XCR1: variants seen among roughly 807,000 people sequenced by gnomAD.
XCR1 encodes chemokine XC receptor 1.
For synonymous variants in XCR1, 187 were observed against 188.5 expected, an observed-to-expected ratio of 0.99 and a Z score of 0.06; for missense variants, 356 against 424.2, an observed-to-expected ratio of 0.84 and a Z score of 1.41.
chr3:46,065,189 A>C (rs1559492764), intron 4 of XCR1, among the ~76,000 whole-genome samples: 2 of 152,174 alleles, frequency 1.3e-5, no homozygotes, highest in African/African-American at 4.8e-5. Flanking sequence ...GATCTAATAA[A>C]ATGGTTCTTT....
At chr3:46,045,006 A>G (rs138679676) in intron 5 of XCR1, among the ~76,000 whole-genome samples, 69 of 152,336 alleles carry the variant, frequency 4.5e-4, no homozygotes, top group African/African-American at 1.6e-3. Context: ...TGAGGCCAGC[A>G]TTACCCTAAT....
Position 46,043,719 on chromosome 3 carries a change from C to CACACACACACAT in XCR1, c.-32+10200_-32+10201insATGTGTGTGTGT, listed in dbSNP as rs1295322739. Reference sequence around the variant, plus strand: ...GCAACATAGTGAGACCTCATCTCTACACACACACACACACACACACACACA... The same window carrying CACACACACACAT: ...GCAACATAGTGAGACCTCATCTCTACACACACACACATACACACACACACACACACACACACA... On this transcript the variant is annotated intron_variant, in intron 5 of 5. Coordinates refer to the XCR1 transcript ENST00000683768. Among the ~76,000 whole-genome samples the CACACACACACAT allele has an allele frequency of 1.8e-3, 84 of 46,796 alleles. 1 individual carries two copies. Among genetic ancestry groups the CACACACACACAT allele is most frequent in the African/African-American group, 0.014 (82 of 5,780 alleles). 30.7% of individuals were successfully genotyped at this position (46,796 alleles called of 152,430 possible). A position where few individuals can be genotyped will look rare whatever the true frequency, so the allele number is the denominator to read the frequency against.
In XCR1 at chr3:46,021,198, C is replaced by T; in HGVS notation, c.750G>A (p.Leu250=). Reference sequence around the variant, plus strand: ...AGCTCCGGATGATCTGGGTCCGAAACAGCGTCTGCAGAAACAGGGTGAAGT... The same window carrying T: ...AGCTCCGGATGATCTGGGTCCGAAATAGCGTCTGCAGAAACAGGGTGAAGT... ...PYNFTLFLQT[L]FRTQIIRSCE... The change falls in exon 2 of 2, where the codon CTG becomes CTA. Residue 250 remains leucine (L), a synonymous_variant. Transcript: ENST00000309285. This position sits in a 1 kb window ranked among gnomAD's most constrained non-coding sequence, Gnocchi z 4.7. The T allele has an allele frequency of 1.2e-6, 2 of 1,614,230 alleles. No individual in the cohort carries two copies. Among genetic ancestry groups the T allele is most frequent in the Non-Finnish European group, 1.7e-6 (2 of 1,180,038 alleles).
chr3:46,042,032 T>C (rs181022281), intron 5 of XCR1, among the ~76,000 whole-genome samples: 2 of 152,322 alleles, frequency 1.3e-5, no homozygotes, highest in Non-Finnish European at 2.9e-5. Context: ...AGGTAAGCAG[T>C]GGAACCCAGA....
chr3:46,052,389 G>A (rs1014868273), intron 5 of XCR1, among the ~76,000 whole-genome samples: 3 of 152,150 alleles, frequency 2.0e-5, no homozygotes. Flanking sequence ...ACAGGGGGGT[G>A]CCATTCTGAT....
In XCR1 at chr3:46,038,035, T is replaced by TG. The variant is rs201683301; in HGVS notation, c.-32+15884_-32+15885insC. Among the ~76,000 whole-genome samples, 26 of 125,040 alleles carry TG rather than the reference T, an allele frequency of 2.1e-4. No homozygotes were observed. In the East Asian group the frequency reaches 3.3e-3, roughly 16 times the overall value. The allele number at this position is 125,040 out of a possible 152,430, so 82.0% of individuals were successfully genotyped here. A position where few individuals can be genotyped will look rare whatever the true frequency, so the allele number is the denominator to read the frequency against. On this transcript the variant is annotated intron_variant, in intron 5 of 5. Transcript: ENST00000683768. ...TGTGCACGGGTTTGTTTTTTGTTTT[T>TG]TTTTTTTTTTGAGAGGGAGTCTTGC...
chr3:46,051,278 G>A (rs1697738546), intron 5 of XCR1, among the ~76,000 whole-genome samples: 2 of 152,132 alleles, frequency 1.3e-5, no homozygotes, highest in South Asian at 4.1e-4. Flanking sequence ...TTATTTGTAA[G>A]TCTCATATCC....
At chr3:46,057,406 A>T (rs951873459) in intron 4 of XCR1, among the ~76,000 whole-genome samples, 8 of 152,202 alleles carry the variant, frequency 5.3e-5, no homozygotes, top group Non-Finnish European at 1.2e-4. Flanking sequence ...ATGATGAAAA[A>T]ATTGGCGTCT....
chr3:46,060,299 G>C (rs1697935688), intron 4 of XCR1, among the ~76,000 whole-genome samples: 1 of 151,998 alleles, frequency 6.6e-6, no homozygotes, highest in Non-Finnish European at 1.5e-5. Context: ...CTGAAACCTG[G>C]GCCATTAGCA....
intron 5 of XCR1, among the ~76,000 whole-genome samples, chr3:46,039,962 C>T (rs117121830): frequency 0.023 from 3,463 of 152,202 alleles, 59 homozygotes; most frequent in Middle Eastern, 0.082. Flanking sequence ...GGAAATCTTA[C>T]CTTATGGTAA....
intron 1 of XCR1, chr3:46,023,533 C>A (rs1708213105): frequency 2.6e-6 from 4 of 1,556,448 alleles, no homozygotes; most frequent in Admixed American, 1.7e-5. Context: ...AAGGGCCCAG[C>A]GTGAGGAAAG....
chr3:46,065,572 T>C lies in XCR1; in HGVS notation c.-183+1327A>G, dbSNP rs945432984. On this transcript the variant is annotated intron_variant, in intron 4 of 5. Transcript: ENST00000683768. ...ACTCCTGGGTGGAGGCCCTTTTCTT[T>C]GAAGCCTGCTCTGCTCACCCAACCA... Among the ~76,000 whole-genome samples the C allele has an allele frequency of 2.6e-5, 4 of 152,198 alleles. No homozygotes were observed. The South Asian group carries it at 8.3e-4, about 32-fold the overall frequency.
intron 1 of XCR1, among the ~76,000 whole-genome samples, chr3:46,085,117 C>G (rs1698449845): frequency 6.6e-6 from 1 of 151,526 alleles, no homozygotes; most frequent in Admixed American, 6.6e-5. Flanking sequence ...ACAGCACTTG[C>G]AGAAAACCTT....
intron 1 of XCR1, among the ~76,000 whole-genome samples, chr3:46,081,317 T>C (rs1281146638): frequency 1.3e-5 from 2 of 152,112 alleles, no homozygotes; most frequent in African/African-American, 4.8e-5. Flanking sequence ...TCATTAGTTC[T>C]GCTCAGCCTG....
chr3:46,078,382 A>G (rs888545060), intron 1 of XCR1, among the ~76,000 whole-genome samples: 2 of 152,116 alleles, frequency 1.3e-5, no homozygotes, highest in African/African-American at 4.8e-5. Context: ...TGTTGAATGT[A>G]AGGTATGAGT....
chr3:46,070,724 T>A (rs1193483858), intron 3 of XCR1, among the ~76,000 whole-genome samples: 3 of 152,104 alleles, frequency 2.0e-5, no homozygotes, highest in Non-Finnish European at 4.4e-5. Flanking sequence ...ATCCATTATG[T>A]CAGTCTTTAT....
chr3:46,024,215 A>C, intron 1 of XCR1: 6 of 81,540 alleles, frequency 7.4e-5, no homozygotes, highest in Non-Finnish European at 8.3e-5. Context: ...TTAATCCAGC[A>C]AAAAAAAAAA....
At position 46,043,717 on chromosome 3, in the gene XCR1, T is replaced by TACACACAC. The variant is rs144432920; in HGVS notation, c.-32+10195_-32+10202dup. On this transcript the variant is annotated intron_variant, in intron 5 of 5. Transcript: ENST00000683768. The stretch of plus-strand genomic sequence containing the variant: ...GGGCAACATAGTGAGACCTCATCTC[T>TACACACAC]ACACACACACACACACACACACACA... Among the ~76,000 whole-genome samples, 998 of 141,526 alleles carry TACACACAC rather than the reference T, an allele frequency of 7.1e-3. 7 individuals are homozygous for TACACACAC. Among genetic ancestry groups the TACACACAC allele is most frequent in the East Asian group, 9.8e-3 (44 of 4,474 alleles). The allele number at this position is 141,526 out of a possible 152,430, so 92.8% of individuals were successfully genotyped here. A position where few individuals can be genotyped will look rare whatever the true frequency, so the allele number is the denominator to read the frequency against.
At chr3:46,071,518 A>G (rs1035029597) in intron 3 of XCR1, among the ~76,000 whole-genome samples, 6 of 152,172 alleles carry the variant, frequency 3.9e-5, no homozygotes, top group Non-Finnish European at 8.8e-5. Flanking sequence ...AAAGAAAACT[A>G]CAGAGCAACA....
Sources: gnomAD v4.1 joint callset for allele counts (sites outside exome capture counted in the v4.1 genomes callset) on GRCh38, gnomAD v4.1.1 for gene constraint, Gnocchi (gnomAD v3.1) non-coding constraint, MANE v1.5 for transcripts, NCBI Gene and HGNC (gene_info 2026-07-23, HGNC 2026-07-21) for gene names.